Variants in GAP43 observed in about 807,000 individuals in gnomAD.
GAP43 encodes neuromodulin.
GAP43 carries 6 observed loss-of-function variants against 18.6 expected under a neutral mutation model. That is an observed-to-expected ratio of 0.32 (90% confidence interval 0.18 to 0.64). The LOEUF (loss-of-function observed/expected upper bound fraction) is 0.64, where lower values mean the gene tolerates loss of function less well. GAP43 is among the 30% of genes least tolerant of loss of function. The probability of loss-of-function intolerance (pLI) is 0.78; values close to 1 mark genes in which losing one functional copy is unlikely to be tolerated. For synonymous variants in GAP43, 115 were observed against 111.4 expected, an observed-to-expected ratio of 1.03 and a Z score of -0.20; for missense variants, 292 against 295.5, an observed-to-expected ratio of 0.99 and a Z score of 0.09.
At chr3:115,698,132 ATATATATAATATATAT>A (rs1477178330) in intron 2 of GAP43, among the ~76,000 whole-genome samples, 3,872 of 16,652 alleles carry the variant, frequency 0.23, 554 homozygotes, top group Middle Eastern at 0.5. Flanking sequence ...ATTATATATA[ATATATATAATATATAT>A]TATATATAAT....
chr3:115,650,635 G>A (rs529203536), intron 1 of GAP43, among the ~76,000 whole-genome samples: 1 of 152,208 alleles, frequency 6.6e-6, no homozygotes, highest in East Asian at 1.9e-4. Context: ...CTACTCTAGA[G>A]ACTCAGCACT....
chr3:115,640,654 T>C (rs560218400), intron 1 of GAP43, among the ~76,000 whole-genome samples: 11 of 152,168 alleles, frequency 7.2e-5, no homozygotes, highest in African/African-American at 1.9e-4. Context: ...ATTCCAAGAA[T>C]ACCCAACAAG....
intron 2 of GAP43, among the ~76,000 whole-genome samples, chr3:115,679,091 ACTGGG>A (rs1708927210): frequency 6.6e-6 from 1 of 151,870 alleles, no homozygotes; most frequent in South Asian, 2.1e-4. Context: ...AGCATCTTCC[ACTGGG>A]CTGTACTGTT....
chr3:115,695,173 T>C (rs575201066), intron 2 of GAP43, among the ~76,000 whole-genome samples: 2 of 152,328 alleles, frequency 1.3e-5, no homozygotes, highest in East Asian at 3.9e-4. Flanking sequence ...TATTAGTGCT[T>C]GGAAAACCTT....
intron 2 of GAP43, among the ~76,000 whole-genome samples, chr3:115,687,992 A>G (rs938967088): frequency 1.4e-5 from 2 of 147,270 alleles, no homozygotes; most frequent in Admixed American, 6.9e-5. Context: ...CAGGGTTACT[A>G]ACGAAATTTT....
chr3:115,633,543 T>C (rs889638734), intron 1 of GAP43, among the ~76,000 whole-genome samples: 1 of 152,180 alleles, frequency 6.6e-6, no homozygotes, highest in African/African-American at 2.4e-5. Flanking sequence ...TTATTTTCAA[T>C]TTGGTCTGTA....
At chr3:115,670,719 G>A (rs1193362374) in intron 1 of GAP43, among the ~76,000 whole-genome samples, 1 of 151,972 alleles carries the variant, frequency 6.6e-6, no homozygotes, top group African/African-American at 2.4e-5. Flanking sequence ...CCATAAGTAG[G>A]TACTTCCCAG....
At chr3:115,705,373 G>A (rs890936985) in intron 2 of GAP43, among the ~76,000 whole-genome samples, 8 of 151,936 alleles carry the variant, frequency 5.3e-5, no homozygotes, top group African/African-American at 1.7e-4. Flanking sequence ...GGCAAACCTA[G>A]ATCTGCTTTT....
rs138220157 is a variant in GAP43, at chr3:115,671,989, G to A, written c.31-4024G>A. Among the ~76,000 whole-genome samples the A allele has an allele frequency of 2.4e-3, 364 of 152,278 alleles. 1 individual carries two copies. Among genetic ancestry groups the A allele is most frequent in the African/African-American group, 7.8e-3 (325 of 41,556 alleles). On this transcript the variant is annotated intron_variant, in intron 1 of 2. Transcript: ENST00000305124. ...ATGTGGGTAGACACAGTATCCTTCCGTTCAGTAGCATTTGTATAGTGCTTA... is the reference window on the plus strand; with the variant it reads ...ATGTGGGTAGACACAGTATCCTTCCATTCAGTAGCATTTGTATAGTGCTTA...
intron 2 of GAP43, among the ~76,000 whole-genome samples, chr3:115,717,405 G>A (rs909980258): frequency 1.3e-5 from 2 of 151,662 alleles, no homozygotes; most frequent in African/African-American, 4.8e-5. Context: ...CGCCTCCCAG[G>A]TTCAAGTGAT....
At chr3:115,706,622 C>A (rs1577001444) in intron 2 of GAP43, among the ~76,000 whole-genome samples, 1 of 152,326 alleles carries the variant, frequency 6.6e-6, no homozygotes, top group Middle Eastern at 3.4e-3. Flanking sequence ...TCTTGTATTA[C>A]TGAATCATGA....
intron 1 of GAP43, among the ~76,000 whole-genome samples, chr3:115,665,457 G>A (rs1708720992): frequency 6.6e-6 from 1 of 152,118 alleles, no homozygotes; most frequent in African/African-American, 2.4e-5. Context: ...TAATTGTGAG[G>A]CTTTCCACAA....
At chr3:115,713,026 A>T (rs184916781) in intron 2 of GAP43, among the ~76,000 whole-genome samples, 513 of 152,316 alleles carry the variant, frequency 3.4e-3, no homozygotes, top group Admixed American at 0.01. Flanking sequence ...AAAATGTGAA[A>T]CATGGTAATG....
At chr3:115,688,554 G>A (rs1051812007) in intron 2 of GAP43, among the ~76,000 whole-genome samples, 5 of 152,132 alleles carry the variant, frequency 3.3e-5, no homozygotes, top group African/African-American at 9.7e-5. Context: ...AAAATCTGTC[G>A]CCTTTCTTTC....
chr3:115,707,197 A>T (rs1423155279), intron 2 of GAP43, among the ~76,000 whole-genome samples: 2 of 152,190 alleles, frequency 1.3e-5, no homozygotes, highest in African/African-American at 2.4e-5. Flanking sequence ...TAACAACCCC[A>T]TGAGGTGGGT....
intron 2 of GAP43, 53 bp from the exon 3 acceptor site, chr3:115,720,741 C>A: frequency 7.9e-7 from 1 of 1,262,342 alleles, no homozygotes; most frequent in Non-Finnish European, 1.1e-6. Flanking sequence ...GCAGATAAGA[C>A]AAAATACTAA....
chr3:115,698,316 A>AATAT (rs200763438), intron 2 of GAP43, among the ~76,000 whole-genome samples: 3 of 95,242 alleles, frequency 3.1e-5, no homozygotes, highest in Admixed American at 4.2e-4. Flanking sequence ...AAATATATAT[A>AATAT]ATATATATAT....
Position 115,704,292 on chromosome 3 carries a change from C to T in GAP43, c.629-16502C>T, listed in dbSNP as rs112518652. Among the ~76,000 whole-genome samples, 495 of 152,104 alleles carry T rather than the reference C, an allele frequency of 3.3e-3. 1 individual carries two copies. The highest frequency in any genetic ancestry group is 9.3e-3 in the African/African-American group (387 of 41,528). On this transcript the variant is annotated intron_variant, in intron 2 of 2. Coordinates refer to ENST00000305124, the MANE Select transcript of GAP43 (RefSeq NM_002045.4). ...TTTCCTCTTCCTCAGGATAGTGCAA[C>T]GATCTCTTAAATTCTTAGATATGAT... is the stretch of plus-strand genomic sequence containing the variant.
chr3:115,682,389 G>T (rs758120812), intron 2 of GAP43, among the ~76,000 whole-genome samples: 1 of 152,108 alleles, frequency 6.6e-6, no homozygotes. Flanking sequence ...GTAGGCAATT[G>T]CTACCCTAAG....
Sources: allele counts gnomAD v4.1 joint callset (sites outside exome capture counted in the v4.1 genomes callset), GRCh38; gene constraint gnomAD v4.1.1; transcripts MANE v1.5; gene names NCBI Gene and HGNC (gene_info 2026-07-23, HGNC 2026-07-21).